NKAIN2: variants seen among roughly 807,000 people sequenced by gnomAD.
NKAIN2 encodes the protein sodium/potassium-transporting ATPase subunit beta-1-interacting protein 2.
In NKAIN2, 14 loss-of-function variants were observed where a neutral mutation model predicts 32.6. The observed-to-expected ratio is 0.43, with a 90% CI of 0.28 to 0.67. The LOEUF (loss-of-function observed/expected upper bound fraction) is 0.67. NKAIN2 is among the 30% of genes least tolerant of loss of function. The pLI, the probability that NKAIN2 is intolerant of heterozygous loss-of-function variation, is 0.17. For missense variants in NKAIN2, 198 were observed against 258.3 expected, an observed-to-expected ratio of 0.77 and a Z score of 1.60; for synonymous variants, 80 against 87.2, an observed-to-expected ratio of 0.92 and a Z score of 0.46.
intron 5 of NKAIN2, among the ~76,000 whole-genome samples, chr6:124,798,701 T>A (rs929822424): frequency 1.3e-5 from 2 of 152,190 alleles, no homozygotes; most frequent in Non-Finnish European, 2.9e-5. Flanking sequence ...TGTACTGGGT[T>A]AAAAATGATG....
intron 4 of NKAIN2, among the ~76,000 whole-genome samples, chr6:124,717,692 T>G (rs1446448839): frequency 6.6e-6 from 1 of 152,130 alleles, no homozygotes; most frequent in Non-Finnish European, 1.5e-5. Context: ...GGAATAACAC[T>G]AGTTCAGCCA....
intron 1 of NKAIN2, among the ~76,000 whole-genome samples, chr6:124,060,226 T>TATGC (rs1237404751): frequency 2.0e-5 from 3 of 152,192 alleles, no homozygotes; most frequent in African/African-American, 7.2e-5. Flanking sequence ...TTGATCCTGT[T>TATGC]ATGCCTAGGG....
intron 3 of NKAIN2, among the ~76,000 whole-genome samples, chr6:124,410,665 A>G (rs1390905722): frequency 6.6e-6 from 1 of 152,162 alleles, no homozygotes; most frequent in Admixed American, 6.5e-5. Flanking sequence ...AAAAGAATGT[A>G]TATTCTATTG....
intron 1 of NKAIN2, among the ~76,000 whole-genome samples, chr6:123,949,343 C>T (rs1777220428): frequency 6.6e-6 from 1 of 151,934 alleles, no homozygotes; most frequent in South Asian, 2.1e-4. Context: ...TGAAAAACGG[C>T]ATTGGTAATT....
intron 1 of NKAIN2, among the ~76,000 whole-genome samples, chr6:123,826,653 T>C (rs1774159988): frequency 6.6e-6 from 1 of 152,170 alleles, no homozygotes; most frequent in Non-Finnish European, 1.5e-5. Context: ...TAATGTAATA[T>C]CTTCAAGGTT....
At chr6:124,659,383 C>T (rs1322909060) in intron 4 of NKAIN2, among the ~76,000 whole-genome samples, 1 of 151,186 alleles carries the variant, frequency 6.6e-6, no homozygotes, top group African/African-American at 2.4e-5. Context: ...GAGTGGCATA[C>T]AATTCAGAGA....
chr6:123,823,828 A>G (rs1427938186), intron 1 of NKAIN2, among the ~76,000 whole-genome samples: 1 of 152,134 alleles, frequency 6.6e-6, no homozygotes, highest in Non-Finnish European at 1.5e-5. Flanking sequence ...GAAGAGGAGG[A>G]AGACTGGGAA....
chr6:124,128,645 T>C (rs1786303400), intron 1 of NKAIN2, among the ~76,000 whole-genome samples: 1 of 152,226 alleles, frequency 6.6e-6, no homozygotes, highest in Admixed American at 6.5e-5. Context: ...GATTTAAACC[T>C]AGTTAGTATA....
At chr6:124,589,036 C>T (rs1327988487) in intron 3 of NKAIN2, among the ~76,000 whole-genome samples, 2 of 151,982 alleles carry the variant, frequency 1.3e-5, no homozygotes, top group Admixed American at 6.6e-5. Context: ...TAATCTAGTA[C>T]ATAATCATTT....
At chr6:123,809,808 T>C (rs1156427037) in intron 1 of NKAIN2, among the ~76,000 whole-genome samples, 1 of 152,150 alleles carries the variant, frequency 6.6e-6, no homozygotes, top group East Asian at 1.9e-4. Context: ...ACTCTTTTTG[T>C]TTTTCCAACC....
intron 3 of NKAIN2, among the ~76,000 whole-genome samples, chr6:124,447,884 T>C (rs957401836): frequency 2.6e-5 from 4 of 152,156 alleles, no homozygotes; most frequent in African/African-American, 9.7e-5. Context: ...CACCTTTCTC[T>C]GTGAAGTGCT....
At chr6:124,757,108 C>T (rs1777999650) in intron 4 of NKAIN2, among the ~76,000 whole-genome samples, 1 of 152,110 alleles carries the variant, frequency 6.6e-6, no homozygotes, top group South Asian at 2.1e-4. Flanking sequence ...TCCACTGTCG[C>T]CCTTTTTATT....
chr6:123,990,408 C>T (rs1286994788), intron 1 of NKAIN2, among the ~76,000 whole-genome samples: 1 of 152,088 alleles, frequency 6.6e-6, no homozygotes, highest in Non-Finnish European at 1.5e-5. Flanking sequence ...TTTACACTTA[C>T]CAGGAAAATA....
At chr6:124,179,182 T>G (rs1159757609) in intron 1 of NKAIN2, among the ~76,000 whole-genome samples, 1 of 152,228 alleles carries the variant, frequency 6.6e-6, no homozygotes, top group African/African-American at 2.4e-5. Flanking sequence ...AATTAGATCT[T>G]AGTAGAAAAT....
chr6:124,266,876 G>T (rs1292932290), intron 1 of NKAIN2, among the ~76,000 whole-genome samples: 1 of 152,132 alleles, frequency 6.6e-6, no homozygotes, highest in Non-Finnish European at 1.5e-5. Flanking sequence ...TAGATTTAAT[G>T]ATCATATCTT....
chr6:123,868,342 A>T (rs931205304), intron 1 of NKAIN2, among the ~76,000 whole-genome samples: 1 of 152,222 alleles, frequency 6.6e-6, no homozygotes, highest in Non-Finnish European at 1.5e-5. Context: ...AAATAAATTA[A>T]TGAAAGGCTG....
At chr6:124,115,453 A>T (rs1312418273) in intron 1 of NKAIN2, among the ~76,000 whole-genome samples, 2 of 152,130 alleles carry the variant, frequency 1.3e-5, no homozygotes, top group Non-Finnish European at 2.9e-5. Flanking sequence ...TTATCACATG[A>T]CTATAGTGTT....
intron 3 of NKAIN2, among the ~76,000 whole-genome samples, chr6:124,614,548 G>T (rs1054147216): frequency 5.3e-5 from 8 of 151,992 alleles, no homozygotes; most frequent in African/African-American, 1.9e-4. Flanking sequence ...ATAATTCCCT[G>T]CATGTGAATA....
At chr6:124,803,699 C>A (rs1056424996) in intron 5 of NKAIN2, among the ~76,000 whole-genome samples, 6 of 152,162 alleles carry the variant, frequency 3.9e-5, no homozygotes, top group African/African-American at 1.4e-4. Flanking sequence ...CCGTGGATGT[C>A]TTCTACACTT....
Sources: gnomAD v4.1 joint callset for allele counts (sites outside exome capture counted in the v4.1 genomes callset) on GRCh38, gnomAD v4.1.1 for gene constraint, MANE v1.5 for transcripts, NCBI Gene and HGNC (gene_info 2026-07-23, HGNC 2026-07-21) for gene names.